Variants in GALNTL6 observed in about 807,000 individuals in gnomAD.
GALNTL6 encodes the protein polypeptide N-acetylgalactosaminyltransferase like 6, also known as polypeptide N-acetylgalactosaminyltransferase-like 6.
A neutral mutation model predicts 73.7 loss-of-function variants in GALNTL6; 46 were observed. The ratio of observed to expected loss-of-function variants is 0.62; its 90% CI spans 0.49 to 0.80. The LOEUF (loss-of-function observed/expected upper bound fraction) is 0.80. GALNTL6 is among the 30% of genes least tolerant of loss of function. The pLI, the probability that GALNTL6 is intolerant of heterozygous loss-of-function variation, is 0.00. For missense variants in GALNTL6, 604 were observed against 755.0 expected, an observed-to-expected ratio of 0.80 and a Z score of 2.34; for synonymous variants, 259 against 263.7, an observed-to-expected ratio of 0.98 and a Z score of 0.17.
At chr4:173,020,433 A>G (rs894515939) in intron 11 of GALNTL6, among the ~76,000 whole-genome samples, 1 of 152,230 alleles carries the variant, frequency 6.6e-6, no homozygotes, top group African/African-American at 2.4e-5. Context: ...ATCAGAGTCA[A>G]TTAAACTCAG....
chr4:171,919,596 A>G (rs1483519547), intron 2 of GALNTL6, among the ~76,000 whole-genome samples: 1 of 152,154 alleles, frequency 6.6e-6, no homozygotes, highest in Non-Finnish European at 1.5e-5. Context: ...GGCACCTGAA[A>G]GGAAGAATTC....
chr4:172,406,026 G>C (rs1018926993), intron 5 of GALNTL6, among the ~76,000 whole-genome samples: 21 of 151,880 alleles, frequency 1.4e-4, no homozygotes, highest in African/African-American at 5.1e-4. Flanking sequence ...TCTAAATCTA[G>C]TCTTATTGAT....
At chr4:173,016,460 T>G (rs1003673368) in intron 11 of GALNTL6, among the ~76,000 whole-genome samples, 1 of 152,220 alleles carries the variant, frequency 6.6e-6, no homozygotes, top group East Asian at 1.9e-4. Flanking sequence ...GCCCACTTCT[T>G]GCATCAGCAT....
chr4:172,553,861 A>G (rs1736049744), intron 5 of GALNTL6, among the ~76,000 whole-genome samples: 1 of 152,062 alleles, frequency 6.6e-6, no homozygotes, highest in South Asian at 2.1e-4. Flanking sequence ...GTTTGAGACT[A>G]TCCTGGACAA....
At chr4:172,771,038 C>G (rs1197013266) in intron 5 of GALNTL6, among the ~76,000 whole-genome samples, 1 of 152,148 alleles carries the variant, frequency 6.6e-6, no homozygotes, top group Non-Finnish European at 1.5e-5. Context: ...TCATATCAGA[C>G]CAAAGGGAAA....
chr4:172,325,471 G>A (rs963148275), intron 4 of GALNTL6, among the ~76,000 whole-genome samples: 2 of 151,886 alleles, frequency 1.3e-5, no homozygotes, highest in East Asian at 1.9e-4. Context: ...AAAATAAATA[G>A]CAATAGGTGG....
chr4:172,226,557 C>CTGTGTGTG (rs34352455), intron 2 of GALNTL6, among the ~76,000 whole-genome samples: 70 of 146,492 alleles, frequency 4.8e-4, no homozygotes, highest in Non-Finnish European at 1.8e-4. Context: ...GAAAGAAGTT[C>CTGTGTGTG]TGTGTGTGTG....
At chr4:172,615,513 C>T (rs958226061) in intron 5 of GALNTL6, among the ~76,000 whole-genome samples, 2 of 152,180 alleles carry the variant, frequency 1.3e-5, no homozygotes, top group Non-Finnish European at 2.9e-5. Flanking sequence ...TATCACCCCA[C>T]ACAAATTAAG....
intron 5 of GALNTL6, among the ~76,000 whole-genome samples, chr4:172,598,690 T>C (rs1165327152): frequency 6.6e-6 from 1 of 151,970 alleles, no homozygotes; most frequent in Non-Finnish European, 1.5e-5. Flanking sequence ...TCCAAACACA[T>C]AAACAAATTC....
intron 5 of GALNTL6, among the ~76,000 whole-genome samples, chr4:172,598,238 A>G (rs752375244): frequency 3.9e-5 from 6 of 152,176 alleles, no homozygotes; most frequent in Non-Finnish European, 7.4e-5. Context: ...AAAATACATG[A>G]TCCAAACATA....
At chr4:172,058,113 GTTGTTTTGTTTTGTTTTGTTTTGTT>G (rs10526611) in intron 2 of GALNTL6, among the ~76,000 whole-genome samples, 1 of 146,266 alleles carries the variant, frequency 6.8e-6, no homozygotes, top group South Asian at 2.2e-4. Flanking sequence ...GGCTGAAGTG[GTTGTTTTGTTTTGTTTTGTTTTGTT>G]TTGTTTTGTT....
chr4:172,306,825 G>T (rs1040007808), intron 3 of GALNTL6, among the ~76,000 whole-genome samples: 1 of 152,144 alleles, frequency 6.6e-6, no homozygotes, highest in African/African-American at 2.4e-5. Context: ...AGTATTCCAT[G>T]GTATGTATAT....
chr4:172,347,930 G>A (rs1741806373), intron 4 of GALNTL6, among the ~76,000 whole-genome samples: 1 of 151,898 alleles, frequency 6.6e-6, no homozygotes, highest in South Asian at 2.1e-4. Flanking sequence ...GTTTTCACTG[G>A]GACTATGATA....
intron 2 of GALNTL6, among the ~76,000 whole-genome samples, chr4:172,062,239 C>T (rs1178885072): frequency 6.6e-6 from 1 of 152,072 alleles, no homozygotes; most frequent in East Asian, 1.9e-4. Flanking sequence ...CAGGCATAAG[C>T]CACTACTCCT....
rs548524733 is a variant in GALNTL6 at position 172,684,069 on chromosome 4, T to C, written c.554-125292T>C. 6.6e-5 allele frequency among the ~76,000 whole-genome samples: 10 copies of C among 152,326 alleles called. No homozygotes were observed. The South Asian group carries it at 2.1e-3, about 32-fold the overall frequency. On this transcript the variant is annotated intron_variant, in intron 5 of 12. Coordinates refer to ENST00000506823, the MANE Select transcript of GALNTL6 (RefSeq NM_001034845.3). ...GGATAGATCGCTGTCCATTCCTTAT[T>C]AAATTTACTAGAAATGCAGACACAT...
intron 2 of GALNTL6, among the ~76,000 whole-genome samples, chr4:171,831,954 T>C (rs772619291): frequency 2.0e-5 from 3 of 151,486 alleles, no homozygotes; most frequent in South Asian, 2.1e-4. Flanking sequence ...TAATACTTTA[T>C]ATGATTGTAT....
At chr4:172,703,348 A>T (rs1734140799) in intron 5 of GALNTL6, among the ~76,000 whole-genome samples, 1 of 151,810 alleles carries the variant, frequency 6.6e-6, no homozygotes, top group African/African-American at 2.4e-5. Flanking sequence ...TATCACCTTT[A>T]TTGTTTTGAG....
At chr4:172,197,946 A>G (rs910206904) in intron 2 of GALNTL6, among the ~76,000 whole-genome samples, 1 of 152,088 alleles carries the variant, frequency 6.6e-6, no homozygotes, top group Non-Finnish European at 1.5e-5. Flanking sequence ...CGTCTCTACT[A>G]AAAATACAAA....
chr4:172,557,990 C>A (rs1338850087), intron 5 of GALNTL6, among the ~76,000 whole-genome samples: 2 of 151,966 alleles, frequency 1.3e-5, no homozygotes, highest in Non-Finnish European at 2.9e-5. Flanking sequence ...CTGGAAACAA[C>A]CCAAATGTCC....
Sources: allele counts gnomAD v4.1 joint callset (sites outside exome capture counted in the v4.1 genomes callset), GRCh38; gene constraint gnomAD v4.1.1; transcripts MANE v1.5; gene names NCBI Gene and HGNC (gene_info 2026-07-23, HGNC 2026-07-21).